Variants in C19orf44 observed in about 807,000 individuals in gnomAD.
The protein encoded by C19orf44 is chromosome 19 open reading frame 44.
Under a neutral mutation model 50.7 loss-of-function variants are expected in C19orf44, and 43 were observed. The observed-to-expected ratio is 0.85, with a 90% CI of 0.66 to 1.09. The LOEUF (loss-of-function observed/expected upper bound fraction) is 1.09, where lower values mean the gene tolerates loss of function less well. C19orf44 is among the 50% of genes least tolerant of loss of function. The pLI is 0.00. For synonymous variants in C19orf44, 298 were observed against 334.7 expected, an observed-to-expected ratio of 0.89 and a Z score of 1.20; for missense variants, 722 against 836.2, an observed-to-expected ratio of 0.86 and a Z score of 1.68.
At chr19:16,508,913 T>G (rs574211686) in intron 4 of C19orf44, among the ~76,000 whole-genome samples, 2 of 151,974 alleles carry the variant, frequency 1.3e-5, no homozygotes, top group South Asian at 4.2e-4. Flanking sequence ...CTCTGCCTCC[T>G]GGGTTCAAGT....
At position 16,521,298 on chromosome 19, in the gene C19orf44, C is replaced by T. The variant is rs910144764; in HGVS notation, c.*1245C>T. ...GGCTGCTTGAGACGTGCCGCCGTGC[C>T]ACACCTTCCCTAACTTCTTCTGATG... On this transcript the variant is annotated 3_prime_UTR_variant, in exon 9 of 9. Transcript: ENST00000221671. The T allele has an allele frequency of 1.7e-6, 1 of 577,708 alleles. No homozygotes were observed. Among genetic ancestry groups the T allele is most frequent in the African/African-American group, 1.9e-5 (1 of 53,482 alleles). 35.8% of individuals were successfully genotyped at this position (577,708 alleles called of 1,614,324 possible). A position where few individuals can be genotyped will look rare whatever the true frequency, so the allele number is the denominator to read the frequency against.
rs774428481 is a variant in C19orf44, at chr19:16,501,397, A to G, written c.605A>G (p.Lys202Arg). 1.2e-5 allele frequency: 19 copies of G among 1,613,904 alleles called. No individual in the cohort carries two copies. The highest frequency in any genetic ancestry group is 1.6e-5 in the Non-Finnish European group (19 of 1,179,962). ...KERTLQTPKQ[K>R]EPARTFDSPD... The stretch of plus-strand genomic sequence containing the variant: ...AGGACTTTGCAAACCCCCAAACAGA[A>G]AGAACCTGCTAGAACATTTGATTCT... The change falls in exon 2 of 9, where the codon AAA becomes AGA. Residue 202 changes from lysine (K) to arginine (R), a missense_variant. By Grantham distance (26) the Lys-to-Arg change is conservative. Coordinates refer to ENST00000221671, the MANE Select transcript of C19orf44 (RefSeq NM_032207.4).
chr19:16,496,867 C>G (rs1392244678), intron 1 of C19orf44, among the ~76,000 whole-genome samples: 1 of 152,074 alleles, frequency 6.6e-6, no homozygotes, highest in Non-Finnish European at 1.5e-5. Flanking sequence ...GTGATTCACG[C>G]CTGGAATCCC....
intron 7 of C19orf44, among the ~76,000 whole-genome samples, chr19:16,516,870 C>T (rs147346276): frequency 5.9e-5 from 9 of 152,332 alleles, no homozygotes; most frequent in Middle Eastern, 3.4e-3. Flanking sequence ...CTCTGTTGGG[C>T]GTCCATCAGC....
At chr19:16,517,598 G>A (rs1380163020) in intron 8 of C19orf44, among the ~76,000 whole-genome samples, 1 of 151,998 alleles carries the variant, frequency 6.6e-6, no homozygotes, top group Non-Finnish European at 1.5e-5. Flanking sequence ...CCACAGGCCA[G>A]TGGAAATAGA....
intron 8 of C19orf44, chr19:16,518,819 T>C (rs2122235508): frequency 3.5e-6 from 1 of 289,478 alleles, no homozygotes; most frequent in South Asian, 3.6e-5. Context: ...GAGGCTTCAA[T>C]CTGACTTAGG....
At position 16,517,309 on chromosome 19, in the gene C19orf44, C is replaced by A. The variant is rs751558594; in HGVS notation, c.*8C>A. 13 of 1,613,662 alleles carry A rather than the reference C, an allele frequency of 8.1e-6. No homozygotes were observed. The Middle Eastern group carries it at 2.1e-3, about 266-fold the overall frequency. ...GTGAACAAGGAGCTGTGAGCGCCAG[C>A]AGGTGGAGCTTGACGTGACGTCTTA... On this transcript the variant is annotated 3_prime_UTR_variant, in exon 8 of 9. Transcript: ENST00000221671.
At chr19:16,497,227 C>T (rs1274358822) in intron 1 of C19orf44, among the ~76,000 whole-genome samples, 3 of 151,838 alleles carry the variant, frequency 2.0e-5, no homozygotes, top group Non-Finnish European at 4.4e-5. Flanking sequence ...GGATTATAGG[C>T]GTGAGTCACA....
chr19:16,519,194 T>C lies in C19orf44; in HGVS notation c.*41-900T>C. ...TCGTCCCTGGCCTTCATGCGGGCGA[T>C]GAAGGAGTAGCTCTTGTTCCTGCGG... On this transcript the variant is annotated intron_variant, in intron 8 of 8. Coordinates refer to ENST00000221671, the MANE Select transcript of C19orf44 (RefSeq NM_032207.4). The surrounding 1 kb of genome is among the most constrained non-coding windows in gnomAD (Gnocchi z 6.0). 1 of 1,613,908 alleles carries C rather than the reference T, an allele frequency of 6.2e-7. No homozygotes were observed. Among genetic ancestry groups the C allele is most frequent in the Non-Finnish European group, 8.5e-7 (1 of 1,179,994 alleles).
In C19orf44 at chr19:16,520,774, C is replaced by G; in HGVS notation, c.*721C>G. The G allele has an allele frequency of 6.4e-7, 1 of 1,551,532 alleles. No homozygotes were observed. The highest frequency in any genetic ancestry group is 1.1e-5 in the South Asian group (1 of 89,872). On this transcript the variant is annotated 3_prime_UTR_variant, in exon 9 of 9. Transcript: ENST00000221671. The surrounding 1 kb of genome is among the most constrained non-coding windows in gnomAD (Gnocchi z 4.0). Reference sequence around the variant, plus strand: ...GTATCTGGGGTCTGCTCCCACCCATCACAAGCTGTGGACCCTGGCCCCCCG... The same window carrying G: ...GTATCTGGGGTCTGCTCCCACCCATGACAAGCTGTGGACCCTGGCCCCCCG...
At chr19:16,500,356 C>CTTT (rs374785196) in intron 1 of C19orf44, among the ~76,000 whole-genome samples, 1 of 138,490 alleles carries the variant, frequency 7.2e-6, no homozygotes. Context: ...TTTTCTTTTT[C>CTTT]TTTTTTTTTT....
At chr19:16,518,162 G>C (rs574521135) in intron 8 of C19orf44, 2 of 152,152 alleles carry the variant, frequency 1.3e-5, no homozygotes, top group Admixed American at 6.5e-5. Context: ...GATTCCCAAC[G>C]GTCACCCACC....
Position 16,501,273 on chromosome 19 carries a change from A to G in C19orf44, c.481A>G (p.Thr161Ala). The G allele has an allele frequency of 6.2e-7, 1 of 1,614,164 alleles. No individual in the cohort carries two copies. Among genetic ancestry groups the G allele is most frequent in the Non-Finnish European group, 8.5e-7 (1 of 1,180,044 alleles). The change falls in exon 2 of 9, where the codon ACC (threonine) becomes GCC (alanine). Residue 161 changes from threonine to alanine, a missense_variant. Transcript: ENST00000221671. ...SQNQARELPV[T>A]ENNAQNAKVS... The stretch of plus-strand genomic sequence containing the variant: ...GAATCAAGCCCGTGAACTTCCTGTC[A>G]CCGAAAATAATGCACAGAACGCGAA...
chr19:16,517,714 A>AGGGT (rs1368137375), intron 8 of C19orf44, among the ~76,000 whole-genome samples: 25 of 152,236 alleles, frequency 1.6e-4, no homozygotes, highest in Admixed American at 1.6e-3. Context: ...AGAGGGAGAC[A>AGGGT]GGGTGGATGG....
intron 8 of C19orf44, among the ~76,000 whole-genome samples, chr19:16,517,705 G>C (rs574482567): frequency 7.9e-5 from 12 of 152,378 alleles, no homozygotes; most frequent in African/African-American, 2.9e-4. Flanking sequence ...CAGTGAGCCA[G>C]AGGGAGACAG....
At position 16,519,383 on chromosome 19, in the gene C19orf44, C is replaced by A. The variant is rs1430478881; in HGVS notation, c.*41-711C>A. ...AACAGAGACGCAGTCACAACCACAA[C>A]AAGGCGGAGGCAGATGGGGGTGCAC... On this transcript the variant is annotated intron_variant, in intron 8 of 8. Coordinates refer to ENST00000221671, the MANE Select transcript of C19orf44 (RefSeq NM_032207.4). This position sits in a 1 kb window ranked among gnomAD's most constrained non-coding sequence, Gnocchi z 6.0. The A allele has an allele frequency of 6.2e-7, 1 of 1,600,802 alleles. No homozygotes were observed. The highest frequency in any genetic ancestry group is 8.5e-7 in the Non-Finnish European group (1 of 1,174,810).
intron 2 of C19orf44, among the ~76,000 whole-genome samples, chr19:16,502,397 C>T (rs2093428110): frequency 6.6e-6 from 1 of 151,808 alleles, no homozygotes. Context: ...ACCACCACGC[C>T]CAGCTAATTT....
chr19:16,513,600 T>G (rs1599738128), intron 6 of C19orf44, among the ~76,000 whole-genome samples: 1 of 152,194 alleles, frequency 6.6e-6, no homozygotes, highest in South Asian at 2.1e-4. Flanking sequence ...GCCAGGCTGG[T>G]CTCGAACTCC....
chr19:16,505,220 CTGTT>C (rs1000367581), intron 3 of C19orf44, among the ~76,000 whole-genome samples: 4 of 139,828 alleles, frequency 2.9e-5, no homozygotes, highest in African/African-American at 8.0e-5. Flanking sequence ...TGTCTTCTGT[CTGTT>C]TTTTTTTTGA....
Sources: gnomAD v4.1 joint callset for allele counts (sites outside exome capture counted in the v4.1 genomes callset) on GRCh38, gnomAD v4.1.1 for gene constraint, Gnocchi (gnomAD v3.1) non-coding constraint, MANE v1.5 for transcripts, NCBI Gene and HGNC (gene_info 2026-07-23, HGNC 2026-07-21) for gene names.